Variants in SCML4 observed in about 807,000 individuals in gnomAD.
The protein encoded by SCML4 is sex comb on midleg-like protein 4.
Under a neutral mutation model 41.1 loss-of-function variants are expected in SCML4, and 34 were observed. That is an observed-to-expected ratio of 0.83 (90% CI 0.63 to 1.10). SCML4 has a LOEUF of 1.10. SCML4 is among the 50% of genes least tolerant of loss of function. The pLI is 0.00. For missense variants in SCML4, 522 were observed against 534.1 expected (o/e 0.98, Z 0.22); for synonymous variants, 214 against 220.9 (o/e 0.97, Z 0.28).
At chr6:107,722,558 AC>A (rs1775536233) in intron 5 of SCML4, among the ~76,000 whole-genome samples, 1 of 152,214 alleles carries the variant, frequency 6.6e-6, no homozygotes, top group South Asian at 2.1e-4. Flanking sequence ...TAAAAACAAA[AC>A]AAAACAACAA....
At chr6:107,708,099 AG>A in intron 6 of SCML4, 88 bp from the exon 7 acceptor site, 1 of 1,441,208 alleles carries the variant, frequency 6.9e-7, no homozygotes, top group Non-Finnish European at 9.3e-7. Flanking sequence ...CTAGCCTGGA[AG>A]GGGGATCCTC....
At chr6:107,801,717 G>T (rs995710581) in intron 1 of SCML4, among the ~76,000 whole-genome samples, 1 of 152,170 alleles carries the variant, frequency 6.6e-6, no homozygotes, top group Non-Finnish European at 1.5e-5. Flanking sequence ...TGTGGAATGG[G>T]GGTTAGCACA....
chr6:107,802,895 C>T (rs552632244), intron 1 of SCML4, among the ~76,000 whole-genome samples: 325 of 152,110 alleles, frequency 2.1e-3, no homozygotes, highest in African/African-American at 7.4e-3. Flanking sequence ...AGTCGCGCGC[C>T]GCCACGCCTG....
chr6:107,801,211 T>C (rs113648048), intron 1 of SCML4, among the ~76,000 whole-genome samples: 1,992 of 152,298 alleles, frequency 0.013, 48 homozygotes, highest in African/African-American at 0.046. Flanking sequence ...TTTCTCCTTG[T>C]AAATTCTCTG....
chr6:107,754,014 G>A (rs1220203031), intron 2 of SCML4, among the ~76,000 whole-genome samples: 1 of 152,212 alleles, frequency 6.6e-6, no homozygotes, highest in Non-Finnish European at 1.5e-5. Context: ...AGAGGAGGTG[G>A]GTGTGGTCAT....
chr6:107,840,288 T>C, the SCML4 span, among the ~76,000 whole-genome samples: 1 of 152,220 alleles, frequency 6.6e-6, no homozygotes, highest in Non-Finnish European at 1.5e-5. Flanking sequence ...GCATAGACTG[T>C]GCCATATTAA....
At chr6:107,769,535 A>G (rs1050983266) in intron 2 of SCML4, among the ~76,000 whole-genome samples, 4 of 152,206 alleles carry the variant, frequency 2.6e-5, no homozygotes, top group Non-Finnish European at 5.9e-5. Flanking sequence ...ACCAGCATAG[A>G]CTTGTTATAC....
rs148269017 is a variant in SCML4, at chr6:107,720,834, C to T, written c.842G>A (p.Gly281Asp). 106 of 1,613,974 alleles carry T rather than the reference C, an allele frequency of 6.6e-5. No homozygotes were observed. The highest frequency in any genetic ancestry group is 8.8e-5 in the Non-Finnish European group (104 of 1,179,976). Reference protein sequence around the residue: ...RQNSGDSHLGGGPAATAGGPR... With the variant: ...RQNSGDSHLGDGPAATAGGPR... ...ACCACCAGCGGTGGCAGCAGGACCA[C>T]CCCCAAGGTGGCTGTCTCCAGAGTT... The change falls in exon 6 of 8, where the codon GGT (glycine) becomes GAT (aspartate). Residue 281 changes from glycine (G) to aspartate (D), a missense_variant. Coordinates refer to ENST00000369020, the MANE Select transcript of SCML4 (RefSeq NM_198081.5).
chr6:107,729,533 T>A (rs1776325940), intron 5 of SCML4, among the ~76,000 whole-genome samples: 1 of 152,214 alleles, frequency 6.6e-6, no homozygotes, highest in African/African-American at 2.4e-5. Flanking sequence ...GGGTTCCAGA[T>A]ACCCGAGAAT....
chr6:107,836,106 G>A, the SCML4 span, among the ~76,000 whole-genome samples: 406 of 148,304 alleles, frequency 2.7e-3, 18 homozygotes, highest in East Asian at 0.06. Context: ...TTTTGCTCCT[G>A]TTTTTTTTTT....
In SCML4 at chr6:107,711,717, A is replaced by G. The variant is rs533228637; in HGVS notation, c.974-3706T>C. ...TAATCTTTACTTCTATTTTAAGGCT[A>G]GAAAAAAGACAAGGCTCTGAACAAT... is the stretch of plus-strand genomic sequence containing the variant. On this transcript the variant is annotated intron_variant, in intron 6 of 7. Transcript: ENST00000369020. Among the ~76,000 whole-genome samples the G allele has an allele frequency of 3.9e-5, 6 of 152,330 alleles. No homozygotes were observed. In the South Asian group the frequency reaches 1.2e-3, roughly 32 times the overall value.
intron 1 of SCML4, among the ~76,000 whole-genome samples, chr6:107,800,713 TAC>T (rs1783053860): frequency 6.6e-6 from 1 of 152,234 alleles, no homozygotes; most frequent in Non-Finnish European, 1.5e-5. Flanking sequence ...GGCCCAATTC[TAC>T]AGACATTACT....
chr6:107,780,996 G>A (rs561147198), intron 1 of SCML4, among the ~76,000 whole-genome samples: 6 of 151,968 alleles, frequency 3.9e-5, no homozygotes, highest in East Asian at 1.9e-4. Flanking sequence ...TAAATAAGGC[G>A]CACCAGACTA....
intron 1 of SCML4, among the ~76,000 whole-genome samples, chr6:107,789,526 A>C (rs1782157939): frequency 6.6e-6 from 1 of 152,204 alleles, no homozygotes; most frequent in African/African-American, 2.4e-5. Flanking sequence ...TCTCCATCGC[A>C]GTCTCCCAGA....
the SCML4 span, among the ~76,000 whole-genome samples, chr6:107,845,423 T>C: frequency 6.6e-6 from 1 of 152,204 alleles, no homozygotes; most frequent in Non-Finnish European, 1.5e-5. Flanking sequence ...TGGCATCTAC[T>C]GTTAGCTTGT....
At chr6:107,731,243 T>C (rs1394008026) in intron 5 of SCML4, among the ~76,000 whole-genome samples, 1 of 152,214 alleles carries the variant, frequency 6.6e-6, no homozygotes, top group Non-Finnish European at 1.5e-5. Context: ...CTCTCCTCAC[T>C]TAGGACACAA....
At chr6:107,766,677 C>T (rs992335457) in intron 2 of SCML4, among the ~76,000 whole-genome samples, 1 of 152,216 alleles carries the variant, frequency 6.6e-6, no homozygotes, top group African/African-American at 2.4e-5. Flanking sequence ...TGCCTCAGAT[C>T]CACCTCTGAG....
At chr6:107,802,689 C>CTCTCCCTCTCCCTCCTCTCCCTCT (rs1446531678) in intron 1 of SCML4, among the ~76,000 whole-genome samples, 3 of 2,396 alleles carry the variant, frequency 1.3e-3, no homozygotes, top group African/African-American at 1.9e-3. Flanking sequence ...CCTCTCCCTC[C>CTCTCCCTCTCCCTCCTCTCCCTCT]CCCTCCTCTC....
upstream of SCML4, among the ~76,000 whole-genome samples, chr6:107,825,936 C>CAAAAAAAAAA (rs71015515): frequency 8.8e-4 from 55 of 62,524 alleles, no homozygotes; most frequent in African/African-American, 1.8e-3. Context: ...GACTCCATCT[C>CAAAAAAAAAA]AAAAAAAAAA....
Sources: gnomAD v4.1 joint callset for allele counts (sites outside exome capture counted in the v4.1 genomes callset) on GRCh38, gnomAD v4.1.1 for gene constraint, MANE v1.5 for transcripts, NCBI Gene and HGNC (gene_info 2026-07-23, HGNC 2026-07-21) for gene names.